CIZ1: variants seen among roughly 807,000 people sequenced by gnomAD.
The protein encoded by CIZ1 is cip1-interacting zinc finger protein.
Under a neutral mutation model 118.6 loss-of-function variants are expected in CIZ1, and 58 were observed. The ratio of observed to expected loss-of-function variants is 0.49; its 90% CI spans 0.40 to 0.61. CIZ1 has a LOEUF of 0.61. CIZ1 is among the 20% of genes least tolerant of loss of function. The pLI is 0.00. For synonymous variants in CIZ1, 448 were observed against 443.4 expected (o/e 1.01, Z -0.13); for missense variants, 921 against 1,115.9 (o/e 0.83, Z 2.49).
intron 1 of CIZ1, among the ~76,000 whole-genome samples, chr9:128,201,235 T>A (rs1023860935): frequency 6.6e-6 from 1 of 151,686 alleles, no homozygotes; most frequent in African/African-American, 2.4e-5. Flanking sequence ...ACCACTGCAC[T>A]CTAGCCTGGG....
At chr9:128,167,869 C>T (rs1265897999) in intron 14 of CIZ1, among the ~76,000 whole-genome samples, 2 of 152,182 alleles carry the variant, frequency 1.3e-5, no homozygotes, top group African/African-American at 4.8e-5. Context: ...AAGCTGTGGG[C>T]CCTGGGCTTC....
chr9:128,169,221 G>T lies in CIZ1; in HGVS notation c.2146-20C>A. The T allele has an allele frequency of 1.9e-6, 3 of 1,613,710 alleles. No homozygotes were observed. The highest frequency in any genetic ancestry group is 2.5e-6 in the Non-Finnish European group (3 of 1,179,680). ...CTTCAGCTGCCCAGGGAGTAGGCAA[G>T]GAGCTCAGGTCAGCTCTGAACAGCC... On this transcript the variant is annotated intron_variant, in intron 13 of 16. Coordinates refer to ENST00000372938, the MANE Select transcript of CIZ1 (RefSeq NM_001131016.2).
At chr9:128,176,903 C>T (rs771661589) in intron 10 of CIZ1, among the ~76,000 whole-genome samples, 1 of 152,110 alleles carries the variant, frequency 6.6e-6, no homozygotes, top group Non-Finnish European at 1.5e-5. Flanking sequence ...GGATTCTAAA[C>T]GTTTCTTTTT....
Position 128,172,507 on chromosome 9 carries a change from A to C in CIZ1, c.1944-2400T>G, listed in dbSNP as rs79632651. Among the ~76,000 whole-genome samples the C allele has an allele frequency of 8.0e-3, 1,222 of 152,252 alleles. 13 individuals are homozygous for C. The highest frequency in any genetic ancestry group is 0.027 in the African/African-American group (1,130 of 41,554). On this transcript the variant is annotated intron_variant, in intron 11 of 16. Coordinates refer to ENST00000372938, the MANE Select transcript of CIZ1 (RefSeq NM_001131016.2). ...GACTCCCTCTCAAAAAAAAACCAAA[A>C]AAAGTGTCTCACTCAGCGAAAATAA...
rs45559035 is a variant in CIZ1, at chr9:128,178,980, G to T, written c.1227C>A (p.Pro409=). The T allele has an allele frequency of 7.1e-3, 11,519 of 1,613,508 alleles. 394 individuals are homozygous for T. In the East Asian group the frequency reaches 0.1, roughly 15 times the overall value. Residue 409 remains proline, a synonymous_variant, in exon 8 of 17, where the codon CCC becomes CCA. Coordinates refer to ENST00000372938, the MANE Select transcript of CIZ1 (RefSeq NM_001131016.2). ...GCCTTGGGGGCTGTGAATGTGCCTG[G>T]GGCTGCACCTGTGGCTGCACCTGCT... ...PLKQVQPQVQ[P]QAHSQPPRQV... is the part of the protein sequence containing the mutation.
Position 128,190,340 on chromosome 9 carries a change from T to C in CIZ1, c.275A>G (p.Gln92Arg), listed in dbSNP as rs761705394. The C allele has an allele frequency of 6.2e-7, 1 of 1,613,140 alleles. No individual in the cohort carries two copies. The highest frequency in any genetic ancestry group is 8.5e-7 in the Non-Finnish European group (1 of 1,179,276). ...GGGGCCATCCATACCTTGCAACTGCTGTAAAAGCAAAGCTCTCTGCAGCAT... is the reference window on the plus strand; with the variant it reads ...GGGGCCATCCATACCTTGCAACTGCCGTAAAAGCAAAGCTCTCTGCAGCAT... ...GSMLQRALLL[Q>R]QLQGLDQFAM... The change falls in exon 3 of 17, where the codon CAG (glutamine) becomes CGG (arginine). Residue 92 changes from glutamine (Q) to arginine (R), a missense_variant. By Grantham distance (43) the Gln-to-Arg change is conservative. Coordinates refer to ENST00000372938, the MANE Select transcript of CIZ1 (RefSeq NM_001131016.2).
intron 5 of CIZ1, 52 bp downstream of exon 5, chr9:128,185,495 G>T: frequency 1.6e-6 from 2 of 1,259,676 alleles, no homozygotes; most frequent in Non-Finnish European, 2.2e-6. Flanking sequence ...TGGCACTGGG[G>T]CTGACACCCA....
At chr9:128,191,862 C>A, upstream of CIZ1, 2 of 1,468,766 alleles carry the variant, frequency 1.4e-6, no homozygotes, top group Non-Finnish European at 9.0e-7. The surrounding 1 kb of genome is among the most constrained non-coding windows in gnomAD (Gnocchi z 5.5). Flanking sequence ...CACCTCCCTG[C>A]GGCCGCCGCG....
chr9:128,179,661 GTTTT>G, intron 7 of CIZ1, among the ~76,000 whole-genome samples: 1 of 151,634 alleles, frequency 6.6e-6, no homozygotes, highest in African/African-American at 2.4e-5. Context: ...TTTGTTTTTG[GTTTT>G]TTGTTGTTGT....
Position 128,166,988 on chromosome 9 carries a change from A to G in CIZ1, c.2365+107T>C, listed in dbSNP as rs1049500506. 35 of 1,599,808 alleles carry G rather than the reference A, an allele frequency of 2.2e-5. No individual in the cohort carries two copies. The highest frequency in any genetic ancestry group is 2.9e-5 in the Non-Finnish European group (34 of 1,171,278). Reference sequence around the variant, plus strand: ...CCAACCCTCTAGGCAGGGGCAGAAGAGAAGGCTTCCCAGCCAGAATGCCAT... The same window carrying G: ...CCAACCCTCTAGGCAGGGGCAGAAGGGAAGGCTTCCCAGCCAGAATGCCAT... On this transcript the variant is annotated intron_variant, in intron 15 of 16. Transcript: ENST00000372938. The surrounding 1 kb of genome is among the most constrained non-coding windows in gnomAD (Gnocchi z 4.4).
At chr9:128,196,557 AAAAG>A (rs545524082), upstream of CIZ1, among the ~76,000 whole-genome samples, 48 of 152,102 alleles carry the variant, frequency 3.2e-4, no homozygotes, top group East Asian at 7.7e-4. Context: ...CAAAAAAAAA[AAAAG>A]AAAGAAAGAA....
In CIZ1 at chr9:128,179,071, A is replaced by C. The variant is rs1588174799; in HGVS notation, c.1136T>G (p.Val379Gly). 6.2e-7 allele frequency: 1 copy of C among 1,613,422 alleles called. No homozygotes were observed. Among genetic ancestry groups the C allele is most frequent in the South Asian group, 1.1e-5 (1 of 91,068 alleles). The part of the protein sequence containing the change: ...AEPQKQVQPQ[V>G]QPQAHSQGPR... Reference sequence around the variant, plus strand: ...GCCCTGTGAATGTGCCTGTGGCTGTACCTGTGGCTGCACCTGCTTCTGTGG... The same window carrying C: ...GCCCTGTGAATGTGCCTGTGGCTGTCCCTGTGGCTGCACCTGCTTCTGTGG... The change falls in exon 8 of 17, where the codon GTA (valine) becomes GGA (glycine). Residue 379 changes from valine to glycine, a missense_variant. Physicochemically the swap from Val to Gly is moderately radical, Grantham distance 109 (BLOSUM62 -3). Coordinates refer to ENST00000372938, the MANE Select transcript of CIZ1 (RefSeq NM_001131016.2).
rs1830849831 is a variant in CIZ1, at chr9:128,176,373, C to T, written c.1921G>A (p.Asp641Asn). 6.2e-7 allele frequency: 1 copy of T among 1,614,078 alleles called. No homozygotes were observed. Among genetic ancestry groups the T allele is most frequent in the Non-Finnish European group, 8.5e-7 (1 of 1,179,972 alleles). Reference protein sequence around the residue: ...CLLSLLPVPRDVLETEDEEPP... With the variant: ...CLLSLLPVPRNVLETEDEEPP... Reference sequence around the variant, plus strand: ...CACTCATCCTCTGTCTCCAGGACGTCCCGGGGCACGGGCAGCAGGGACAGG... The same window carrying T: ...CACTCATCCTCTGTCTCCAGGACGTTCCGGGGCACGGGCAGCAGGGACAGG... The change falls in exon 11 of 17, where the codon GAC becomes AAC. Residue 641 changes from aspartate to asparagine, a missense_variant. Transcript: ENST00000372938.
chr9:128,179,625 G>A (rs578122136), intron 7 of CIZ1, among the ~76,000 whole-genome samples: 15 of 150,414 alleles, frequency 1.0e-4, no homozygotes, highest in Non-Finnish European at 1.5e-4. Context: ...GAGCCACCGC[G>A]CCCAGCCCAA....
chr9:128,179,079 C>A lies in CIZ1; in HGVS notation c.1128G>T (p.Gln376His). 6.2e-7 allele frequency: 1 copy of A among 1,613,872 alleles called. No individual in the cohort carries two copies. Among genetic ancestry groups the A allele is most frequent in the Non-Finnish European group, 8.5e-7 (1 of 1,179,822 alleles). Reference protein sequence around the residue: ...QQEAEPQKQVQPQVQPQAHSQ... With the variant: ...QQEAEPQKQVHPQVQPQAHSQ... ...AATGTGCCTGTGGCTGTACCTGTGG[C>A]TGCACCTGCTTCTGTGGCTCTGCCT... The change falls in exon 8 of 17, where the codon CAG (glutamine) becomes CAT (histidine). Residue 376 changes from glutamine to histidine, a missense_variant. Transcript: ENST00000372938.
chr9:128,203,497 C>T lies in CIZ1; in HGVS notation c.-6+689G>A. The T allele has an allele frequency of 6.5e-7, 1 of 1,531,872 alleles. No homozygotes were observed. The highest frequency in any genetic ancestry group is 8.8e-7 in the Non-Finnish European group (1 of 1,142,684). The allele number at this position is 1,531,872 out of a possible 1,614,324, so 94.9% of individuals were successfully genotyped here. A position where few individuals can be genotyped will look rare whatever the true frequency, so the allele number is the denominator to read the frequency against. ...TGGGCAACCGCGGCATGGAAGATCT[C>T]ATCCCGCTGGTCAACCGGCTGCAAG... is the stretch of plus-strand genomic sequence containing the variant. On this transcript the variant is annotated intron_variant, in intron 1 of 17. Transcript: ENST00000372948. This position sits in a 1 kb window ranked among gnomAD's most constrained non-coding sequence, Gnocchi z 5.3.
At position 128,166,915 on chromosome 9, in the gene CIZ1, C is replaced by T. The variant is rs73672437; in HGVS notation, c.2366-35G>A. 1.6e-3 allele frequency: 2,572 copies of T among 1,613,982 alleles called. 48 individuals carry two copies. In the African/African-American group the frequency reaches 0.031, roughly 19 times the overall value. On this transcript the variant is annotated intron_variant, in intron 15 of 16. Transcript: ENST00000372938. The surrounding 1 kb of genome is among the most constrained non-coding windows in gnomAD (Gnocchi z 4.4). ...GGGATGGCAGGGTCTGCACTCACATCCCTGTACCAGCGAGGTGTCCCTCCC... is the reference window on the plus strand; with the variant it reads ...GGGATGGCAGGGTCTGCACTCACATTCCTGTACCAGCGAGGTGTCCCTCCC...
intron 3 of CIZ1, 30 bp downstream of exon 3, chr9:128,190,299 G>T (rs1269355597): frequency 1.3e-6 from 2 of 1,492,486 alleles, no homozygotes; most frequent in Admixed American, 3.4e-5. Context: ...CACTAAAAGA[G>T]ACTGAGAAGA....
intron 3 of CIZ1, among the ~76,000 whole-genome samples, chr9:128,188,482 CTTTT>C (rs1832721855): frequency 6.6e-6 from 1 of 151,934 alleles, no homozygotes; most frequent in African/African-American, 2.4e-5. Context: ...GACTTTTATT[CTTTT>C]GTTTGTTTTT....
Sources: allele counts gnomAD v4.1 joint callset (sites outside exome capture counted in the v4.1 genomes callset), GRCh38; gene constraint gnomAD v4.1.1; non-coding constraint Gnocchi (gnomAD v3.1); transcripts MANE v1.5; gene names NCBI Gene and HGNC (gene_info 2026-07-23, HGNC 2026-07-21).